Variants in GPR157 observed in about 807,000 individuals in gnomAD.
The protein encoded by GPR157 is G-protein coupled receptor 157.
GPR157 carries 16 observed loss-of-function variants against 23.5 expected under a neutral mutation model. The ratio of observed to expected loss-of-function variants is 0.68; its 90% CI spans 0.46 to 1.04. GPR157 has a LOEUF of 1.04. Among genes scored for constraint, GPR157 ranks in the 50% least tolerant of loss-of-function variants. The pLI, the probability that GPR157 is intolerant of heterozygous loss-of-function variation, is 0.00. For missense variants in GPR157, 440 were observed against 460.7 expected (o/e 0.96, Z 0.41); for synonymous variants, 200 against 221.5 (o/e 0.90, Z 0.86).
At chr1:9,117,623 G>A (rs972304515) in intron 1 of GPR157, among the ~76,000 whole-genome samples, 6 of 152,142 alleles carry the variant, frequency 3.9e-5, no homozygotes, top group African/African-American at 9.7e-5. Context: ...TTAGCCGGAC[G>A]TGGTGGTGGG....
Position 9,128,389 on chromosome 1 carries a change from T to TG in GPR157, c.383+255dup. The TG allele has an allele frequency of 1.5e-6, 1 of 689,382 alleles. No individual in the cohort carries two copies. The highest frequency in any genetic ancestry group is 2.7e-6 in the Non-Finnish European group (1 of 376,786). The allele number at this position is 689,382 out of a possible 1,614,324, so 42.7% of individuals were successfully genotyped here. ...CGTCCAAGGAAACAGGGCCCGGCTCTGGGGGCGAACTCTGTCCCCACTACC... is the reference window on the plus strand; with the variant it reads ...CGTCCAAGGAAACAGGGCCCGGCTCTGGGGGGCGAACTCTGTCCCCACTACC... On this transcript the variant is annotated intron_variant, in intron 1 of 3. Transcript: ENST00000377411. The surrounding 1 kb of genome is among the most constrained non-coding windows in gnomAD (Gnocchi z 6.3).
At chr1:9,117,888 A>G (rs1638720208) in intron 1 of GPR157, among the ~76,000 whole-genome samples, 1 of 152,228 alleles carries the variant, frequency 6.6e-6, no homozygotes, top group African/African-American at 2.4e-5. Context: ...CCAAAAAAAT[A>G]AAGCCAGAAC....
intron 1 of GPR157, among the ~76,000 whole-genome samples, chr1:9,122,793 T>C (rs1638827428): frequency 6.6e-6 from 1 of 151,970 alleles, no homozygotes; most frequent in Non-Finnish European, 1.5e-5. Flanking sequence ...TAAAGATATA[T>C]GAAAATTAAG....
intron 1 of GPR157, among the ~76,000 whole-genome samples, chr1:9,112,180 C>T (rs570417372): frequency 6.6e-6 from 1 of 152,320 alleles, no homozygotes; most frequent in African/African-American, 2.4e-5. Flanking sequence ...TGTCCATGCT[C>T]GTGCAAATGT....
Position 9,128,348 on chromosome 1 carries a change from G to A in GPR157, c.383+297C>T, listed in dbSNP as rs537784437. The A allele has an allele frequency of 1.6e-4, 107 of 650,836 alleles. 2 individuals carry two copies. Among genetic ancestry groups the A allele is most frequent in the South Asian group, 1.1e-3 (71 of 66,322 alleles). The allele number at this position is 650,836 out of a possible 1,614,324, so 40.3% of individuals were successfully genotyped here. On this transcript the variant is annotated intron_variant, in intron 1 of 3. Transcript: ENST00000377411. This position sits in a 1 kb window ranked among gnomAD's most constrained non-coding sequence, Gnocchi z 6.3. ...TGAAGCAGGTCACAAGGGGCTCAGA[G>A]TGTCCTCCCCAGCCCCGTCCAAGGA... is the stretch of plus-strand genomic sequence containing the variant.
In GPR157 at chr1:9,104,086, T is replaced by C. The variant is rs1419285536; in HGVS notation, c.*333A>G. On this transcript the variant is annotated 3_prime_UTR_variant, in exon 4 of 4. Coordinates refer to ENST00000377411, the MANE Select transcript of GPR157 (RefSeq NM_024980.5). ...TGTGGGTCCCTCAGATTGTAAACAG[T>C]GCTGTGTGGTCCTCAGGACATCAAG... 2 of 310,896 alleles carry C rather than the reference T, an allele frequency of 6.4e-6. No individual in the cohort carries two copies. Among genetic ancestry groups the C allele is most frequent in the Non-Finnish European group, 1.2e-5 (2 of 161,542 alleles). 19.3% of individuals were successfully genotyped at this position (310,896 alleles called of 1,614,324 possible).
chr1:9,120,414 G>A lies in GPR157; in HGVS notation c.383+8231C>T, dbSNP rs1195701739. ...GGGATGTTAACATAACTCAGAAAAC[G>A]CTTTGAGAACCAAACTCTTGTGCAA... is the stretch of plus-strand genomic sequence containing the variant. On this transcript the variant is annotated intron_variant, in intron 1 of 3. Transcript: ENST00000377411. The surrounding 1 kb of genome is among the most constrained non-coding windows in gnomAD (Gnocchi z 4.1). 6.6e-6 allele frequency among the ~76,000 whole-genome samples: 1 copy of A among 152,152 alleles called. No individual in the cohort carries two copies. The highest frequency in any genetic ancestry group is 1.5e-5 in the Non-Finnish European group (1 of 68,030).
Position 9,105,586 on chromosome 1 carries a change from G to A in GPR157, c.692C>T (p.Pro231Leu), listed in dbSNP as rs779043071. The change falls in exon 3 of 4, where the codon CCG becomes CTG. Residue 231 changes from proline to leucine, a missense_variant. By Grantham distance (98) the Pro-to-Leu change is moderately conservative (BLOSUM62 -3). Coordinates refer to ENST00000377411, the MANE Select transcript of GPR157 (RefSeq NM_024980.5). The surrounding 1 kb of genome is among the most constrained non-coding windows in gnomAD (Gnocchi z 4.8). ...SMADKKLVLI[P>L]LIFIGLRVWS... ...GACCCTGAGGCCGATGAAGATGAGCGGGATGAGCACCAGCTTCTTGTCCGC... is the reference window on the plus strand; with the variant it reads ...GACCCTGAGGCCGATGAAGATGAGCAGGATGAGCACCAGCTTCTTGTCCGC... 1.8e-5 allele frequency: 29 copies of A among 1,611,132 alleles called. No homozygotes were observed. Among genetic ancestry groups the A allele is most frequent in the East Asian group, 1.8e-4 (8 of 44,786 alleles).
chr1:9,125,106 C>A (rs545589557), intron 1 of GPR157, among the ~76,000 whole-genome samples: 1 of 152,180 alleles, frequency 6.6e-6, no homozygotes, highest in Non-Finnish European at 1.5e-5. Flanking sequence ...CATTGCATTG[C>A]CGGCTGCTGG....
chr1:9,119,304 A>G (rs946032625), intron 1 of GPR157, among the ~76,000 whole-genome samples: 1 of 152,128 alleles, frequency 6.6e-6, no homozygotes, highest in African/African-American at 2.4e-5. Context: ...AAGTGCTGGG[A>G]TTACAGACGT....
At position 9,109,777 on chromosome 1, in the gene GPR157, CG is replaced by C. The variant is rs1190241730; in HGVS notation, c.597+1498del. Among the ~76,000 whole-genome samples, 3 of 152,054 alleles carry C rather than the reference CG, an allele frequency of 2.0e-5. No individual in the cohort carries two copies. In the East Asian group the frequency reaches 5.8e-4, roughly 29 times the overall value. On this transcript the variant is annotated intron_variant, in intron 2 of 3. Coordinates refer to ENST00000377411, the MANE Select transcript of GPR157 (RefSeq NM_024980.5). The stretch of plus-strand genomic sequence containing the variant: ...CCTGAGGCAGAAGTGGGGTCTAGGG[CG>C]GGTGAGAACTGGTTACATTTCCAAG...
chr1:9,105,677 T>C lies in GPR157; in HGVS notation c.601A>G (p.Thr201Ala). The change falls in exon 3 of 4, where the codon ACG becomes GCG. Residue 201 changes from threonine (T) to alanine (A), a missense_variant. By Grantham distance (58) the Thr-to-Ala change is moderately conservative (BLOSUM62 0). Transcript: ENST00000377411. This position sits in a 1 kb window ranked among gnomAD's most constrained non-coding sequence, Gnocchi z 4.8. ...ATGGGCCGGTACTCAGAGAGTGCCG[T>C]GTGCTGTGTGGGGACAGCGAGGGCA... is the stretch of plus-strand genomic sequence containing the variant. Reference protein sequence around the residue: ...LVRKHINRAHTALSEYRPILS... With the variant: ...LVRKHINRAHAALSEYRPILS... 1.9e-6 allele frequency: 3 copies of C among 1,606,312 alleles called. No homozygotes were observed. Among genetic ancestry groups the C allele is most frequent in the Non-Finnish European group, 2.6e-6 (3 of 1,175,900 alleles).
At chr1:9,109,175 T>C (rs539983743) in intron 2 of GPR157, among the ~76,000 whole-genome samples, 5 of 148,310 alleles carry the variant, frequency 3.4e-5, no homozygotes, top group African/African-American at 1.0e-4. Flanking sequence ...CTCTGCCTCC[T>C]GGGTTCAAGT....
chr1:9,126,207 C>T (rs1296906682), intron 1 of GPR157, among the ~76,000 whole-genome samples: 1 of 152,208 alleles, frequency 6.6e-6, no homozygotes, highest in East Asian at 1.9e-4. Flanking sequence ...ATCCGCCCAC[C>T]TTGGCCTCCC....
chr1:9,109,420 T>TCTTGCTCTGTCGCCCAGGCTGGAA (rs1638426332), intron 2 of GPR157, among the ~76,000 whole-genome samples: 1 of 151,390 alleles, frequency 6.6e-6, no homozygotes, highest in South Asian at 2.1e-4. Flanking sequence ...TGAGGTGCAG[T>TCTTGCTCTGTCGCCCAGGCTGGAA]CTTGCTCTGT....
At chr1:9,106,761 C>G (rs941386754) in intron 2 of GPR157, among the ~76,000 whole-genome samples, 1 of 152,084 alleles carries the variant, frequency 6.6e-6, no homozygotes, top group African/African-American at 2.4e-5. Context: ...GTCAGGAGTT[C>G]GAGACCAGAC....
Position 9,105,450 on chromosome 1 carries a change from G to A in GPR157, c.792+36C>T, listed in dbSNP as rs912798025. 2.7e-6 allele frequency: 4 copies of A among 1,503,952 alleles called. No individual in the cohort carries two copies. The highest frequency in any genetic ancestry group is 2.6e-5 in the South Asian group (2 of 77,650). 93.2% of individuals were successfully genotyped at this position (1,503,952 alleles called of 1,614,324 possible). A position where few individuals can be genotyped will look rare whatever the true frequency, so the allele number is the denominator to read the frequency against. ...GGAATCAGGCTGTGCCTCCTCTGGG[G>A]GCAGGGACGACAAGGGCCAGGGAGG... On this transcript the variant is annotated intron_variant, in intron 3 of 3. Coordinates refer to ENST00000377411, the MANE Select transcript of GPR157 (RefSeq NM_024980.5). The surrounding 1 kb of genome is among the most constrained non-coding windows in gnomAD (Gnocchi z 4.8).
rs1322955963 is a variant in GPR157, at chr1:9,101,391, T to A, written c.*3028A>T. On this transcript the variant is annotated 3_prime_UTR_variant, in exon 4 of 4. Coordinates refer to ENST00000377411, the MANE Select transcript of GPR157 (RefSeq NM_024980.5). ...CTTTTAGGATGTGACTTCCTTCCCA[T>A]CCAGCCTTTCTGTCTGAGCACTACC... 1 of 152,208 alleles carries A rather than the reference T, an allele frequency of 6.6e-6. No homozygotes were observed. The highest frequency in any genetic ancestry group is 1.5e-5 in the Non-Finnish European group (1 of 68,112). 9.4% of individuals were successfully genotyped at this position (152,208 alleles called of 1,614,324 possible). A position where few individuals can be genotyped will look rare whatever the true frequency, so the allele number is the denominator to read the frequency against.
At chr1:9,108,752 C>T (rs1305487425) in intron 2 of GPR157, among the ~76,000 whole-genome samples, 1 of 152,102 alleles carries the variant, frequency 6.6e-6, no homozygotes, top group Non-Finnish European at 1.5e-5. Flanking sequence ...GTCTCAGCCT[C>T]TCAAGTAGCT....
Sources: gnomAD v4.1 joint callset for allele counts (sites outside exome capture counted in the v4.1 genomes callset) on GRCh38, gnomAD v4.1.1 for gene constraint, Gnocchi (gnomAD v3.1) non-coding constraint, MANE v1.5 for transcripts, NCBI Gene and HGNC (gene_info 2026-07-23, HGNC 2026-07-21) for gene names.